SEC24B: variants seen among roughly 807,000 people sequenced by gnomAD.
SEC24B encodes SEC24 homolog B, COPII component.
Under a neutral mutation model 142.8 loss-of-function variants are expected in SEC24B, and 45 were observed. The observed-to-expected ratio is 0.32, with a 90% CI of 0.25 to 0.40. The LOEUF (loss-of-function observed/expected upper bound fraction) is 0.40, where lower values mean the gene tolerates loss of function less well. Among genes scored for constraint, SEC24B ranks in the 10% least tolerant of loss-of-function variants. The probability of loss-of-function intolerance (pLI) is 1.00; values close to 1 mark genes in which losing one functional copy is unlikely to be tolerated. For missense variants in SEC24B, 1,409 were observed against 1,526.8 expected, an observed-to-expected ratio of 0.92 and a Z score of 1.29; for synonymous variants, 574 against 568.2, an observed-to-expected ratio of 1.01 and a Z score of -0.15.
chr4:109,440,688 T>TA (rs1436884373), intron 1 of SEC24B, among the ~76,000 whole-genome samples: 1 of 152,214 alleles, frequency 6.6e-6, no homozygotes, highest in Non-Finnish European at 1.5e-5. Flanking sequence ...GCTTAGCAAT[T>TA]AGAGTCCCTC....
At chr4:109,485,247 C>G (rs750358839) in intron 4 of SEC24B, among the ~76,000 whole-genome samples, 1 of 152,234 alleles carries the variant, frequency 6.6e-6, no homozygotes, top group Admixed American at 6.5e-5. Flanking sequence ...CTGTTCTTCT[C>G]AACAATTCTG....
At chr4:109,456,096 T>G (rs1730639725) in intron 1 of SEC24B, among the ~76,000 whole-genome samples, 1 of 152,162 alleles carries the variant, frequency 6.6e-6, no homozygotes. Flanking sequence ...CTGAACATAT[T>G]TCATTAGATT....
intron 4 of SEC24B, among the ~76,000 whole-genome samples, chr4:109,488,100 G>A (rs1434527896): frequency 1.3e-5 from 2 of 151,732 alleles, no homozygotes; most frequent in Non-Finnish European, 2.9e-5. Flanking sequence ...ATTTTTAATA[G>A]CAGTTTTGAG....
At chr4:109,435,899 G>C (rs1180252536) in intron 1 of SEC24B, among the ~76,000 whole-genome samples, 2 of 152,258 alleles carry the variant, frequency 1.3e-5, no homozygotes, top group East Asian at 3.9e-4. Context: ...GGAGGGAAAG[G>C]TTGACTCTAG....
chr4:109,457,897 T>C (rs555500593), intron 1 of SEC24B, among the ~76,000 whole-genome samples: 1 of 152,356 alleles, frequency 6.6e-6, no homozygotes, highest in East Asian at 1.9e-4. Flanking sequence ...ATCTTTAACC[T>C]AAGCATGTCT....
intron 6 of SEC24B, among the ~76,000 whole-genome samples, chr4:109,501,344 C>G (rs1447908464): frequency 2.6e-5 from 4 of 152,202 alleles, no homozygotes; most frequent in Non-Finnish European, 5.9e-5. Context: ...TGCACAAGGA[C>G]AAAATCACCT....
chr4:109,494,568 G>A (rs747781622), intron 5 of SEC24B, 47 bp from the exon 6 acceptor site: 1 of 1,607,982 alleles, frequency 6.2e-7, no homozygotes, highest in Non-Finnish European at 8.5e-7. Context: ...CAGTCTTTGT[G>A]GAGTCTTGAT....
At chr4:109,476,651 T>TGTAAGAA (rs1733178338) in intron 3 of SEC24B, among the ~76,000 whole-genome samples, 4 of 152,038 alleles carry the variant, frequency 2.6e-5, no homozygotes, top group African/African-American at 7.3e-5. Context: ...GAAATTATTG[T>TGTAAGAA]TTGTTAGATT....
intron 4 of SEC24B, among the ~76,000 whole-genome samples, chr4:109,482,898 C>T (rs1733870773): frequency 1.6e-5 from 2 of 127,280 alleles, no homozygotes; most frequent in Non-Finnish European, 3.2e-5. Context: ...TCCCAAAGTG[C>T]TGGGATTACA....
intron 4 of SEC24B, among the ~76,000 whole-genome samples, chr4:109,482,993 C>CAT (rs1393146684): frequency 1.9e-5 from 2 of 107,734 alleles, no homozygotes; most frequent in African/African-American, 3.9e-5. Context: ...CACACACACA[C>CAT]ACACACACAC....
Position 109,517,943 on chromosome 4 carries a change from GTTTGTTTATTTA to G in SEC24B, c.2126+1307_2126+1318del, listed in dbSNP as rs1354519882. Among the ~76,000 whole-genome samples the G allele has an allele frequency of 4.4e-3, 616 of 139,806 alleles. 5 individuals are homozygous for G. The highest frequency in any genetic ancestry group is 0.016 in the African/African-American group (596 of 37,232). 91.7% of individuals were successfully genotyped at this position (139,806 alleles called of 152,430 possible). ...GAGAAACTGAGCATTTTGTTTGTTT[GTTTGTTTATTTA>G]TTTATTTATTTATTTATTTATTTAT... On this transcript the variant is annotated intron_variant, in intron 11 of 23. Coordinates refer to ENST00000265175, the MANE Select transcript of SEC24B (RefSeq NM_006323.5).
chr4:109,486,805 C>T (rs1734400552), intron 4 of SEC24B, among the ~76,000 whole-genome samples: 1 of 152,160 alleles, frequency 6.6e-6, no homozygotes, highest in Admixed American at 6.5e-5. Flanking sequence ...AATATATTAG[C>T]ATAGCTCTGG....
rs70949082 is a variant in SEC24B, at chr4:109,462,891, G to GCTTTT, written c.134-9_134-5dup. 1,576,880 of 1,577,082 alleles carry GCTTTT rather than the reference G, an allele frequency of 1. 788,339 individuals carry two copies. The highest frequency in any genetic ancestry group is 1 in the Middle Eastern group (5,912 of 5,912). ...TCTTTACAAATACCTGTAAATACTT[G>GCTTTT]CTTTTTCAGGTCCAGCCCAGAATCA... is the stretch of plus-strand genomic sequence containing the variant. On this transcript the variant is annotated splice_polypyrimidine_tract_variant and intron_variant, in intron 1 of 23. Coordinates refer to ENST00000265175, the MANE Select transcript of SEC24B (RefSeq NM_006323.5).
intron 14 of SEC24B, among the ~76,000 whole-genome samples, chr4:109,522,853 A>G (rs1561174614): frequency 1.3e-5 from 2 of 152,300 alleles, no homozygotes; most frequent in African/African-American, 2.4e-5. Context: ...AAAGTAATCA[A>G]TTGATTGCTT....
intron 5 of SEC24B, among the ~76,000 whole-genome samples, chr4:109,493,984 C>T (rs781727158): frequency 1.4e-4 from 22 of 152,094 alleles, no homozygotes; most frequent in Non-Finnish European, 1.0e-4. Flanking sequence ...GCTACTCCTT[C>T]CATAGTTAGT....
At chr4:109,503,825 AAT>A (rs1736420306) in intron 6 of SEC24B, among the ~76,000 whole-genome samples, 3 of 151,850 alleles carry the variant, frequency 2.0e-5, no homozygotes, top group South Asian at 4.2e-4. Flanking sequence ...ACATAATGTA[AAT>A]AAGTCTCATT....
chr4:109,496,013 G>T (rs981269900), intron 6 of SEC24B, among the ~76,000 whole-genome samples: 11 of 151,946 alleles, frequency 7.2e-5, no homozygotes, highest in Non-Finnish European at 2.9e-5. Context: ...CATAAACTTA[G>T]CAGTTTAACA....
chr4:109,524,607 T>C (rs1445220755), intron 14 of SEC24B, among the ~76,000 whole-genome samples: 1 of 152,104 alleles, frequency 6.6e-6, no homozygotes, highest in Admixed American at 6.5e-5. Context: ...TTATGAAAAT[T>C]AATTTGTGTG....
intron 6 of SEC24B, among the ~76,000 whole-genome samples, chr4:109,503,584 T>G (rs534104042): frequency 6.6e-6 from 1 of 152,252 alleles, no homozygotes; most frequent in South Asian, 2.1e-4. Flanking sequence ...GGCCTCGAAC[T>G]CCTGAAGTTA....
Sources: gnomAD v4.1 joint callset for allele counts (sites outside exome capture counted in the v4.1 genomes callset) on GRCh38, gnomAD v4.1.1 for gene constraint, MANE v1.5 for transcripts, NCBI Gene and HGNC (gene_info 2026-07-23, HGNC 2026-07-21) for gene names.